SLC43A2: variants seen among roughly 807,000 people sequenced by gnomAD.
SLC43A2 encodes large neutral amino acids transporter small subunit 4.
In SLC43A2, 38 loss-of-function variants were observed where a neutral mutation model predicts 63.2. That is an observed-to-expected ratio of 0.60 (90% CI 0.46 to 0.79). The LOEUF (loss-of-function observed/expected upper bound fraction) is 0.79, where lower values mean the gene tolerates loss of function less well. Among genes scored for constraint, SLC43A2 ranks in the 30% least tolerant of loss-of-function variants. The pLI, the probability that SLC43A2 is intolerant of heterozygous loss-of-function variation, is 0.00. For missense variants in SLC43A2, 644 were observed against 756.2 expected (o/e 0.85, Z 1.74); for synonymous variants, 322 against 331.0 (o/e 0.97, Z 0.30).
chr17:1,610,432 TAA>T (rs765722123), intron 5 of SLC43A2, among the ~76,000 whole-genome samples: 1 of 130,764 alleles, frequency 7.6e-6, no homozygotes, highest in African/African-American at 2.8e-5. Flanking sequence ...CCTGGCTAAT[TAA>T]AAAAAAAAAA....
At chr17:1,618,604 C>T (rs1025040341) in intron 2 of SLC43A2, among the ~76,000 whole-genome samples, 7 of 152,214 alleles carry the variant, frequency 4.6e-5, no homozygotes, top group Non-Finnish European at 7.3e-5. Context: ...CTGTGAGCCC[C>T]GAAGGGCAGG....
At chr17:1,590,664 G>T (rs1327042047) in intron 9 of SLC43A2, 138 bp downstream of exon 9, 3 of 1,126,770 alleles carry the variant, frequency 2.7e-6, no homozygotes, top group Admixed American at 4.5e-5. Context: ...CAATAGCTCT[G>T]ACGGGCAGAC....
intron 11 of SLC43A2, among the ~76,000 whole-genome samples, chr17:1,581,208 A>ACACACACACACACACG (rs2151031347): frequency 6.6e-6 from 1 of 152,102 alleles, no homozygotes; most frequent in East Asian, 1.9e-4. Flanking sequence ...GTGCCCACAC[A>ACACACACACACACACG]CACACACACA....
In SLC43A2 at chr17:1,586,433, A is replaced by G. The variant is rs2076102393; in HGVS notation, c.1079-382T>C. On this transcript the variant is annotated intron_variant, in intron 9 of 13. Coordinates refer to ENST00000301335, the MANE Select transcript of SLC43A2 (RefSeq NM_152346.3). The stretch of plus-strand genomic sequence containing the variant: ...CCAGAACGGCTGGGCGCGGTGGCTC[A>G]TGCCTGTAATCCCAGCACTTTGGGA... Among the ~76,000 whole-genome samples the G allele has an allele frequency of 2.0e-5, 3 of 152,152 alleles. 1 individual carries two copies. In the South Asian group the frequency reaches 6.2e-4, roughly 31 times the overall value.
At chr17:1,581,948 AGG>A (rs1491345491) in intron 11 of SLC43A2, among the ~76,000 whole-genome samples, 1 of 151,606 alleles carries the variant, frequency 6.6e-6, no homozygotes, top group Non-Finnish European at 1.5e-5. Context: ...CTGGGATTAC[AGG>A]CATGTGCCAC....
chr17:1,620,301 G>C (rs1205038721), intron 2 of SLC43A2, among the ~76,000 whole-genome samples: 1 of 152,208 alleles, frequency 6.6e-6, no homozygotes, highest in East Asian at 1.9e-4. Flanking sequence ...CCAGGAGGCA[G>C]AGGTTGCAGT....
In SLC43A2 at chr17:1,628,803, C is replaced by G. The variant is rs1406763261; in HGVS notation, c.-56G>C. The G allele has an allele frequency of 6.6e-6, 1 of 151,996 alleles. No individual in the cohort carries two copies. The highest frequency in any genetic ancestry group is 2.0e-4 in the East Asian group (1 of 5,098). The allele number at this position is 151,996 out of a possible 1,614,324, so 9.4% of individuals were successfully genotyped here. On this transcript the variant is annotated 5_prime_UTR_variant, in exon 1 of 14. Coordinates refer to ENST00000301335, the MANE Select transcript of SLC43A2 (RefSeq NM_152346.3). ...CCCTGCTGCAGCTCACCCGGCTCCT[C>G]CGGCGTGTGTCGGGCCCGCCCGGCG...
intron 11 of SLC43A2, among the ~76,000 whole-genome samples, chr17:1,581,950 GCA>G (rs2076023223): frequency 6.6e-6 from 1 of 151,462 alleles, no homozygotes; most frequent in Admixed American, 6.6e-5. Context: ...GGGATTACAG[GCA>G]TGTGCCACCA....
chr17:1,616,313 A>G (rs764520488), intron 3 of SLC43A2: 17 of 533,862 alleles, frequency 3.2e-5, no homozygotes, highest in Non-Finnish European at 4.6e-5. Context: ...ACATGTTCTT[A>G]GTGACAAGCA....
intron 5 of SLC43A2, among the ~76,000 whole-genome samples, chr17:1,602,132 C>G (rs541416140): frequency 6.6e-6 from 1 of 152,292 alleles, no homozygotes; most frequent in East Asian, 1.9e-4. Context: ...CAAGGGTGCA[C>G]AAGCGGCAGG....
At chr17:1,599,156 T>C (rs1400246286) in intron 5 of SLC43A2, among the ~76,000 whole-genome samples, 2 of 151,920 alleles carry the variant, frequency 1.3e-5, no homozygotes, top group Non-Finnish European at 2.9e-5. Flanking sequence ...CTGGCCAACA[T>C]GGTGAAACCC....
intron 2 of SLC43A2, among the ~76,000 whole-genome samples, chr17:1,618,627 G>T (rs9907798): frequency 0.37 from 55,979 of 152,208 alleles, 11,198 homozygotes; most frequent in Non-Finnish European, 0.47. Context: ...CTGCACTGTG[G>T]TCACTTCTGT....
chr17:1,589,770 C>G (rs1030138688), intron 9 of SLC43A2, among the ~76,000 whole-genome samples: 1 of 152,156 alleles, frequency 6.6e-6, no homozygotes, highest in African/African-American at 2.4e-5. Flanking sequence ...AGGGGCCCAC[C>G]ACCACGCCTG....
chr17:1,586,928 T>TGGGGGC, intron 9 of SLC43A2: 4 of 1,232,906 alleles, frequency 3.2e-6, no homozygotes, highest in Non-Finnish European at 4.5e-6. Flanking sequence ...TCCCTGACAA[T>TGGGGGC]CCCCCCCACC....
upstream of SLC43A2, among the ~76,000 whole-genome samples, chr17:1,629,562 C>G (rs1431745537): frequency 6.6e-6 from 1 of 152,204 alleles, no homozygotes; most frequent in African/African-American, 2.4e-5. Flanking sequence ...TGGTCTGTCC[C>G]GTCCTAGGAT....
At chr17:1,608,158 G>T (rs1328192169) in intron 5 of SLC43A2, among the ~76,000 whole-genome samples, 6 of 152,190 alleles carry the variant, frequency 3.9e-5, no homozygotes, top group Non-Finnish European at 7.3e-5. Flanking sequence ...ACAAAAACAG[G>T]CAGTGGTCTG....
In SLC43A2 at chr17:1,590,794, G is replaced by A; in HGVS notation, c.1078+8C>T. ...GTGACAGCGACCGAGGCTGCCCGGG[G>A]CACCTACCTGTCTTCTGGTCGCCGC... On this transcript the variant is annotated splice_region_variant and intron_variant, in intron 9 of 13. Coordinates refer to ENST00000301335, the MANE Select transcript of SLC43A2 (RefSeq NM_152346.3). 1 of 1,552,640 alleles carries A rather than the reference G, an allele frequency of 6.4e-7. No homozygotes were observed. The highest frequency in any genetic ancestry group is 8.7e-7 in the Non-Finnish European group (1 of 1,148,004).
intron 2 of SLC43A2, 128 bp from the exon 3 acceptor site, chr17:1,616,897 G>T (rs1417416249): frequency 3.9e-6 from 4 of 1,028,668 alleles, no homozygotes; most frequent in Non-Finnish European, 5.6e-6. Context: ...CCTCTCGAGG[G>T]CTCAGGCTAC....
At chr17:1,613,598 A>G (rs1907324264) in intron 4 of SLC43A2, among the ~76,000 whole-genome samples, 1 of 152,172 alleles carries the variant, frequency 6.6e-6, no homozygotes, top group Non-Finnish European at 1.5e-5. Flanking sequence ...GATTACAGGC[A>G]TGCGCCACCA....
Sources: gnomAD v4.1 joint callset for allele counts (sites outside exome capture counted in the v4.1 genomes callset) on GRCh38, gnomAD v4.1.1 for gene constraint, MANE v1.5 for transcripts, NCBI Gene and HGNC (gene_info 2026-07-23, HGNC 2026-07-21) for gene names.